Variants in TASP1 observed in about 807,000 individuals in gnomAD.
TASP1 encodes threonine aspartase 1.
A neutral mutation model predicts 56.6 loss-of-function variants in TASP1; 16 were observed. The observed-to-expected ratio is 0.28, with a 90% CI of 0.19 to 0.43. TASP1 has a LOEUF of 0.43. Ranked by LOEUF, TASP1 falls within the 20% of genes least tolerant of loss-of-function variation. The pLI is 1.00. For synonymous variants in TASP1, 179 were observed against 184.2 expected (o/e 0.97, Z 0.23); for missense variants, 393 against 511.6 (o/e 0.77, Z 2.24).
rs117248024 is a variant in TASP1 at position 13,587,326 on chromosome 20, C to T, written c.327G>A (p.Leu109=). The part of the protein sequence containing the change: ...TNAGMGSNLN[L]LGEIECDASI... ...TGGCATCACACTCAATTTCACCTAA[C>T]AGATTTAGATTAGATCCCATTCCTG... Residue 109 remains leucine (L), a synonymous_variant, in exon 5 of 14, where the codon CTG becomes CTA. Transcript: ENST00000337743. 8.1e-6 allele frequency: 13 copies of T among 1,612,088 alleles called. No homozygotes were observed. The highest frequency in any genetic ancestry group is 6.7e-5 in the Admixed American group (4 of 59,678).
At chr20:13,306,346 C>A in the TASP1 span, among the ~76,000 whole-genome samples, 1 of 152,030 alleles carries the variant, frequency 6.6e-6, no homozygotes. Context: ...AGAGAACAGT[C>A]TAAATGAAGT....
At chr20:13,580,854 A>G in intron 6 of TASP1, 43 bp downstream of exon 6, 1 of 1,598,962 alleles carries the variant, frequency 6.3e-7, no homozygotes, top group Admixed American at 1.7e-5. Context: ...GTGGATAAAA[A>G]TGCACTAAAG....
chr20:13,535,849 A>G (rs1172195117), intron 8 of TASP1, among the ~76,000 whole-genome samples: 1 of 152,176 alleles, frequency 6.6e-6, no homozygotes, highest in Non-Finnish European at 1.5e-5. Flanking sequence ...TGCTGCCGCT[A>G]TCTTAGGGAA....
chr20:13,162,571 G>C, the TASP1 span, among the ~76,000 whole-genome samples: 786 of 152,246 alleles, frequency 5.2e-3, 13 homozygotes, highest in South Asian at 0.055. Context: ...TCATAGACTA[G>C]AAATAATATT....
intron 6 of TASP1, among the ~76,000 whole-genome samples, chr20:13,577,582 T>C (rs576505921): frequency 1.3e-5 from 2 of 152,226 alleles, no homozygotes; most frequent in African/African-American, 4.8e-5. Context: ...ATGTTATTAG[T>C]GTCTTTATAA....
chr20:13,520,857 T>A (rs959435218), intron 10 of TASP1, among the ~76,000 whole-genome samples: 1 of 151,698 alleles, frequency 6.6e-6, no homozygotes, highest in African/African-American at 2.4e-5. Context: ...TGGGAGAAAA[T>A]TTTTGCAATC....
the TASP1 span, among the ~76,000 whole-genome samples, chr20:13,240,225 G>A: frequency 6.6e-6 from 1 of 152,190 alleles, no homozygotes; most frequent in African/African-American, 2.4e-5. Flanking sequence ...TAGAGAACAA[G>A]CTTATGTTCT....
the TASP1 span, among the ~76,000 whole-genome samples, chr20:13,236,667 G>C: frequency 1.6e-4 from 24 of 152,142 alleles, no homozygotes; most frequent in African/African-American, 4.3e-4. Flanking sequence ...AGATACAATG[G>C]GGGTACAGGT....
At chr20:13,350,889 T>A in the TASP1 span, among the ~76,000 whole-genome samples, 1 of 151,238 alleles carries the variant, frequency 6.6e-6, no homozygotes, top group Admixed American at 6.6e-5. Context: ...TTTGTAGAGA[T>A]GAGGTCTCAC....
intron 8 of TASP1, among the ~76,000 whole-genome samples, chr20:13,536,657 G>C (rs2045429842): frequency 6.6e-6 from 1 of 151,986 alleles, no homozygotes; most frequent in South Asian, 2.1e-4. Flanking sequence ...TAAAATTCTG[G>C]AAATTTTTAC....
chr20:13,616,621 T>C (rs1403039540), intron 4 of TASP1, among the ~76,000 whole-genome samples: 1 of 151,582 alleles, frequency 6.6e-6, no homozygotes, highest in Non-Finnish European at 1.5e-5. Flanking sequence ...TAATCATTGA[T>C]TCCGTTTTCT....
At chr20:13,619,162 T>C (rs2048625924) in intron 4 of TASP1, among the ~76,000 whole-genome samples, 1 of 152,066 alleles carries the variant, frequency 6.6e-6, no homozygotes, top group Admixed American at 6.6e-5. Flanking sequence ...CCTCCCAAAG[T>C]GCTGGGATTA....
chr20:13,249,186 G>A, the TASP1 span, among the ~76,000 whole-genome samples: 4 of 152,142 alleles, frequency 2.6e-5, no homozygotes, highest in African/African-American at 7.2e-5. Context: ...CAAATCTCAC[G>A]GGAATCAGGG....
At chr20:13,489,359 T>C (rs1029349246) in intron 10 of TASP1, among the ~76,000 whole-genome samples, 1 of 152,156 alleles carries the variant, frequency 6.6e-6, no homozygotes, top group Non-Finnish European at 1.5e-5. Flanking sequence ...GGGGAATATA[T>C]GGATCTTCAG....
chr20:13,527,225 A>G (rs910969), intron 10 of TASP1, among the ~76,000 whole-genome samples: 111,172 of 152,020 alleles, frequency 0.73, 41,622 homozygotes, highest in African/African-American at 0.91. Context: ...CATGCAAAAG[A>G]AAAAGTCACT....
chr20:13,142,541 T>C, the TASP1 span, among the ~76,000 whole-genome samples: 1 of 152,160 alleles, frequency 6.6e-6, no homozygotes, highest in Non-Finnish European at 1.5e-5. Context: ...AGTGTGTGGG[T>C]CTGGGCTAGA....
intron 4 of TASP1, among the ~76,000 whole-genome samples, chr20:13,605,140 T>C (rs2048103254): frequency 6.6e-6 from 1 of 151,972 alleles, no homozygotes; most frequent in Non-Finnish European, 1.5e-5. Context: ...GACTGAACTA[T>C]AGTGACAAAA....
At chr20:13,352,027 G>A in the TASP1 span, among the ~76,000 whole-genome samples, 94 of 152,280 alleles carry the variant, frequency 6.2e-4, no homozygotes, top group Non-Finnish European at 3.1e-4. Flanking sequence ...ATTGGGCAGC[G>A]CACCCACAGA....
intron 1 of TASP1, among the ~76,000 whole-genome samples, chr20:13,634,593 G>A (rs185817701): frequency 5.9e-5 from 9 of 152,184 alleles, no homozygotes; most frequent in Non-Finnish European, 7.4e-5. Context: ...AGCTGGGTGC[G>A]GTGGCGAGCG....
Sources: allele counts gnomAD v4.1 joint callset (sites outside exome capture counted in the v4.1 genomes callset), GRCh38; gene constraint gnomAD v4.1.1; transcripts MANE v1.5; gene names NCBI Gene and HGNC (gene_info 2026-07-23, HGNC 2026-07-21).